Variants in TNIK observed in about 807,000 individuals in gnomAD.
TNIK encodes TRAF2 and NCK interacting kinase.
A neutral mutation model predicts 191.3 loss-of-function variants in TNIK; 49 were observed. The observed-to-expected ratio is 0.26, with a 90% confidence interval of 0.20 to 0.32. The LOEUF (loss-of-function observed/expected upper bound fraction) is 0.32. Among genes scored for constraint, TNIK ranks in the 10% least tolerant of loss-of-function variants. The pLI, the probability that TNIK is intolerant of heterozygous loss-of-function variation, is 1.00. For synonymous variants in TNIK, 594 were observed against 600.9 expected (o/e 0.99, Z 0.17); for missense variants, 1,155 against 1,702.3 (o/e 0.68, Z 5.66).
In TNIK at chr3:171,281,746, C is replaced by T. The variant is rs370438552; in HGVS notation, c.124-53525G>A. On this transcript the variant is annotated intron_variant, in intron 2 of 32. Coordinates refer to ENST00000436636, the MANE Select transcript of TNIK (RefSeq NM_015028.4). ...ACACAGTCCCAACCCTGAAGGTCAA[C>T]GAGGATAGTGTTTGCTACCCTTGTA... Among the ~76,000 whole-genome samples the T allele has an allele frequency of 2.4e-4, 37 of 152,292 alleles. 1 individual carries two copies. The highest frequency in any genetic ancestry group is 2.1e-3 in the East Asian group (11 of 5,192).
chr3:171,215,301 A>T (rs1741325599), intron 3 of TNIK, among the ~76,000 whole-genome samples: 2 of 152,206 alleles, frequency 1.3e-5, no homozygotes, highest in Admixed American at 1.3e-4. Context: ...GATTGTCATC[A>T]TGTGGTCATA....
intron 2 of TNIK, among the ~76,000 whole-genome samples, chr3:171,346,192 T>A (rs2108420497): frequency 6.6e-6 from 1 of 152,266 alleles, no homozygotes; most frequent in East Asian, 1.9e-4. Flanking sequence ...AGACTCTGCT[T>A]GGCGTGGTTG....
intron 7 of TNIK, among the ~76,000 whole-genome samples, chr3:171,182,636 G>A (rs900549338): frequency 2.0e-5 from 3 of 152,206 alleles, no homozygotes; most frequent in Admixed American, 2.0e-4. Flanking sequence ...GCAGAGGCAA[G>A]ACAGAACTTT....
At chr3:171,082,431 A>G (rs1288328332) in intron 26 of TNIK, 37 bp from the exon 27 acceptor site, 1 of 1,599,042 alleles carries the variant, frequency 6.3e-7, no homozygotes, top group African/African-American at 1.3e-5. Context: ...CTGACTTTTC[A>G]TGAACTTTAA....
intron 2 of TNIK, among the ~76,000 whole-genome samples, chr3:171,326,414 T>A (rs1418437581): frequency 6.6e-6 from 1 of 152,010 alleles, no homozygotes; most frequent in East Asian, 1.9e-4. Flanking sequence ...ATATAACAAG[T>A]GTCCTGAAAG....
chr3:171,081,295 A>G (rs1576755133), intron 27 of TNIK, among the ~76,000 whole-genome samples: 1 of 152,100 alleles, frequency 6.6e-6, no homozygotes, highest in African/African-American at 2.4e-5. Context: ...AAGCAAAAGC[A>G]TTTTGTCAAA....
chr3:171,394,797 C>A (rs1380509208), intron 1 of TNIK, among the ~76,000 whole-genome samples: 2 of 152,182 alleles, frequency 1.3e-5, no homozygotes, highest in African/African-American at 2.4e-5. Context: ...AAATTACCTG[C>A]TATTCTATCC....
At chr3:171,158,399 A>T (rs1181262157) in intron 11 of TNIK, among the ~76,000 whole-genome samples, 9 of 152,226 alleles carry the variant, frequency 5.9e-5, no homozygotes, top group Admixed American at 2.0e-4. Context: ...TGTGCATACG[A>T]CAGAGATCGA....
In TNIK at chr3:171,282,334, G is replaced by GTTTTTTTTTTTTTTTTTTTTTTTTT. The variant is rs201489240; in HGVS notation, c.124-54114_124-54113insAAAAAAAAAAAAAAAAAAAAAAAAA. On this transcript the variant is annotated intron_variant, in intron 2 of 32. Coordinates refer to ENST00000436636, the MANE Select transcript of TNIK (RefSeq NM_015028.4). ...GAACTATCTGCAGATTCTCTTAATG[G>GTTTTTTTTTTTTTTTTTTTTTTTTT]TTTTTTGTTTTTTTTTTTTTTTTTG... 8.8e-4 allele frequency among the ~76,000 whole-genome samples: 101 copies of GTTTTTTTTTTTTTTTTTTTTTTTTT among 114,508 alleles called. 8 individuals are homozygous for GTTTTTTTTTTTTTTTTTTTTTTTTT. Among genetic ancestry groups the GTTTTTTTTTTTTTTTTTTTTTTTTT allele is most frequent in the Middle Eastern group, 4.8e-3 (1 of 208 alleles). The allele number at this position is 114,508 out of a possible 152,430, so 75.1% of individuals were successfully genotyped here.
chr3:171,410,312 C>T lies in TNIK; in HGVS notation c.58-40627G>A, dbSNP rs147678897. Among the ~76,000 whole-genome samples, 715 of 152,272 alleles carry T rather than the reference C, an allele frequency of 4.7e-3. 1 individual carries two copies. The highest frequency in any genetic ancestry group is 7.3e-3 in the Non-Finnish European group (496 of 68,022). ...AGCTGAAGCTGGAATGATCTGAAGG[C>T]TTTTTCACTCACATGTCTGGCACCT... On this transcript the variant is annotated intron_variant, in intron 1 of 32. Transcript: ENST00000436636.
At position 171,399,238 on chromosome 3, in the gene TNIK, G is replaced by C. The variant is rs1720610489; in HGVS notation, c.58-29553C>G. On this transcript the variant is annotated intron_variant, in intron 1 of 32. Coordinates refer to ENST00000436636, the MANE Select transcript of TNIK (RefSeq NM_015028.4). Reference sequence around the variant, plus strand: ...CCTGTGGCAGGACTTGCCATTTATGGATTCCTGGAGAAATGCTTTGATGCC... The same window carrying C: ...CCTGTGGCAGGACTTGCCATTTATGCATTCCTGGAGAAATGCTTTGATGCC... Among the ~76,000 whole-genome samples the C allele has an allele frequency of 2.0e-5, 3 of 152,286 alleles. No individual in the cohort carries two copies. The South Asian group carries it at 6.2e-4, about 32-fold the overall frequency.
intron 2 of TNIK, among the ~76,000 whole-genome samples, chr3:171,342,566 TGA>T (rs140746059): frequency 1.1e-3 from 165 of 152,126 alleles, no homozygotes; most frequent in Middle Eastern, 6.8e-3. Context: ...AGCAGACAAC[TGA>T]GAGTTTCCAA....
At chr3:171,155,139 C>T (rs1206596621) in intron 12 of TNIK, among the ~76,000 whole-genome samples, 7 of 152,154 alleles carry the variant, frequency 4.6e-5, no homozygotes, top group African/African-American at 9.7e-5. Context: ...AAAAATGACT[C>T]GCAGTGAAAT....
At position 171,387,549 on chromosome 3, in the gene TNIK, A is replaced by AAATAAAG. The variant is rs550702862; in HGVS notation, c.58-17865_58-17864insCTTTATT. ...CTCATGTGCCCTTCTCAGTCACTAT[A>AAATAAAG]CTCAAATGCTTTTATGAGATAAGAA... is the stretch of plus-strand genomic sequence containing the variant. On this transcript the variant is annotated intron_variant, in intron 1 of 32. Coordinates refer to ENST00000436636, the MANE Select transcript of TNIK (RefSeq NM_015028.4). 1.5e-4 allele frequency among the ~76,000 whole-genome samples: 23 copies of AAATAAAG among 152,302 alleles called. No homozygotes were observed. The East Asian group carries it at 4.0e-3, about 27-fold the overall frequency.
rs1488146627 is a variant in TNIK, at chr3:171,110,728, C to T, written c.2270G>A (p.Arg757His). 8 of 1,596,032 alleles carry T rather than the reference C, an allele frequency of 5.0e-6. No individual in the cohort carries two copies. The highest frequency in any genetic ancestry group is 1.7e-4 in the Middle Eastern group (1 of 5,970). Reference sequence around the variant, plus strand: ...GAAAGTTTTACCTCGAACTCTGGTGCGTTCACTGGATCCTGCTTGTGATCC... The same window carrying T: ...GAAAGTTTTACCTCGAACTCTGGTGTGTTCACTGGATCCTGCTTGTGATCC... ...QPGSQAGSSE[R>H]TRVRANSKSE... Residue 757 changes from arginine to histidine, a missense_variant, in exon 19 of 33, where the codon CGC (arginine) becomes CAC (histidine). Arg to His is a conservative substitution (Grantham distance 29). This residue lies in a region of TNIK where 735 missense variants were observed against 848.0 expected (regional missense o/e 0.87). Transcript: ENST00000436636.
At chr3:171,157,728 T>C in intron 11 of TNIK, 64 bp from the exon 12 acceptor site, 3 of 1,502,512 alleles carry the variant, frequency 2.0e-6, no homozygotes, top group Non-Finnish European at 2.7e-6. Flanking sequence ...CCAAGAGGCC[T>C]TGGAGGAGGA....
rs1347598740 is a variant in TNIK at position 171,085,157 on chromosome 3, T to C, written c.2959A>G (p.Thr987Ala). Residue 987 changes from threonine (T) to alanine (A), a missense_variant, in exon 25 of 33, where the codon ACT (threonine) becomes GCT (alanine). Thr to Ala is a moderately conservative substitution (Grantham distance 58). This residue lies in a region of TNIK where 735 missense variants were observed against 848.0 expected (regional missense o/e 0.87). Transcript: ENST00000436636. Reference protein sequence around the residue: ...VDPRVYQTSPTDEDEEDEESS... With the variant: ...VDPRVYQTSPADEDEEDEESS... ...TCCTCATCCTCTTCATCTTCATCAG[T>C]GGGAGACGTCTGGTATACTCTGGGG... is the stretch of plus-strand genomic sequence containing the variant. The C allele has an allele frequency of 6.2e-7, 1 of 1,611,768 alleles. No individual in the cohort carries two copies. The highest frequency in any genetic ancestry group is 8.5e-7 in the Non-Finnish European group (1 of 1,179,056).
intron 1 of TNIK, among the ~76,000 whole-genome samples, chr3:171,380,412 G>A (rs889332198): frequency 6.6e-6 from 1 of 152,154 alleles, no homozygotes; most frequent in African/African-American, 2.4e-5. Flanking sequence ...AGAAAGATTA[G>A]GAAACAATTC....
At chr3:171,235,448 C>T (rs1444779444) in intron 2 of TNIK, among the ~76,000 whole-genome samples, 1 of 152,172 alleles carries the variant, frequency 6.6e-6, no homozygotes, top group African/African-American at 2.4e-5. Context: ...TCTTCAGCCT[C>T]TCCAAATATC....
Sources: gnomAD v4.1 joint callset for allele counts (sites outside exome capture counted in the v4.1 genomes callset) on GRCh38, gnomAD v4.1.1 for gene constraint, gnomAD v4.1.1 regional missense constraint, MANE v1.5 for transcripts, NCBI Gene and HGNC (gene_info 2026-07-23, HGNC 2026-07-21) for gene names.